Variants in RAD50 observed in about 807,000 individuals in gnomAD.
RAD50 encodes DNA repair protein RAD50.
In RAD50, 132 loss-of-function variants were observed where a neutral mutation model predicts 168.8. The ratio of observed to expected loss-of-function variants is 0.78; its 90% CI spans 0.68 to 0.90. The LOEUF (loss-of-function observed/expected upper bound fraction) is 0.90. RAD50 is among the 40% of genes least tolerant of loss of function. The pLI is 0.00. For missense variants in RAD50, 1,347 were observed against 1,534.4 expected, an observed-to-expected ratio of 0.88 and a Z score of 2.04; for synonymous variants, 525 against 497.4, an observed-to-expected ratio of 1.06 and a Z score of -0.74.
At chr5:132,599,775 G>A (rs1413546175) in intron 13 of RAD50, among the ~76,000 whole-genome samples, 1 of 151,862 alleles carries the variant, frequency 6.6e-6, no homozygotes, top group Non-Finnish European at 1.5e-5. Context: ...TAAGAGTGCA[G>A]TCAGGTTGAC....
At chr5:132,590,061 G>A (rs1750671584) in intron 9 of RAD50, among the ~76,000 whole-genome samples, 1 of 152,118 alleles carries the variant, frequency 6.6e-6, no homozygotes, top group Non-Finnish European at 1.5e-5. Flanking sequence ...TAAAGATACT[G>A]TACTCAGACC....
rs566212893 is a variant in RAD50 at position 132,597,437 on chromosome 5, A to G, written c.2207+1627A>G. On this transcript the variant is annotated intron_variant, in intron 13 of 24. Transcript: ENST00000378823. ...TACTATGGCTTCTTCTGTTCTCGCAATGTGCTTGTACCCTTGTGTGAACTC... is the reference window on the plus strand; with the variant it reads ...TACTATGGCTTCTTCTGTTCTCGCAGTGTGCTTGTACCCTTGTGTGAACTC... Among the ~76,000 whole-genome samples, 267 of 152,252 alleles carry G rather than the reference A, an allele frequency of 1.8e-3. 1 individual carries two copies. Among genetic ancestry groups the G allele is most frequent in the African/African-American group, 6.2e-3 (257 of 41,536 alleles).
Position 132,643,062 on chromosome 5 carries a change from C to T in RAD50, c.*698C>T, listed in dbSNP as rs1751769294. 1 of 529,866 alleles carries T rather than the reference C, an allele frequency of 1.9e-6. No individual in the cohort carries two copies. The highest frequency in any genetic ancestry group is 1.9e-5 in the African/African-American group (1 of 52,760). 32.8% of individuals were successfully genotyped at this position (529,866 alleles called of 1,614,324 possible). The stretch of plus-strand genomic sequence containing the variant: ...AGAGGAAATTCTCCACTGTGCACAC[C>T]CACCTTTGGAAAGCTCTGACCACTT... On this transcript the variant is annotated 3_prime_UTR_variant, in exon 25 of 25. Transcript: ENST00000378823.
chr5:132,577,826 T>A (rs1750425388), intron 3 of RAD50, among the ~76,000 whole-genome samples: 1 of 144,708 alleles, frequency 6.9e-6, no homozygotes, highest in South Asian at 2.2e-4. Flanking sequence ...TTTTTTTTTT[T>A]TTGAGATGGA....
chr5:132,627,266 G>A (rs1751387909), intron 21 of RAD50, among the ~76,000 whole-genome samples: 1 of 151,900 alleles, frequency 6.6e-6, no homozygotes, highest in African/African-American at 2.4e-5. Context: ...TATATATTTT[G>A]TAACTCTTCA....
At chr5:132,597,497 ACTCTGTCTCC>A (rs1182688957) in intron 13 of RAD50, among the ~76,000 whole-genome samples, 1 of 151,338 alleles carries the variant, frequency 6.6e-6, no homozygotes, top group African/African-American at 2.4e-5. Flanking sequence ...TCTCTCACTC[ACTCTGTCTCC>A]CTCTGTCTCT....
intron 22 of RAD50, 129 bp downstream of exon 22, chr5:132,637,329 A>T: frequency 6.8e-7 from 1 of 1,467,236 alleles, no homozygotes; most frequent in Non-Finnish European, 9.2e-7. Context: ...AGATTTTCTA[A>T]GAATTCTTAT....
chr5:132,559,024 G>A (rs1483836856), intron 1 of RAD50, among the ~76,000 whole-genome samples: 1 of 152,144 alleles, frequency 6.6e-6, no homozygotes, highest in Non-Finnish European at 1.5e-5. Context: ...ACTTAAATTA[G>A]TTTAAAGGGT....
chr5:132,589,749 A>T lies in RAD50; in HGVS notation c.1364A>T (p.Asn455Ile). The T allele has an allele frequency of 1.2e-6, 2 of 1,613,770 alleles. No homozygotes were observed. The highest frequency in any genetic ancestry group is 1.7e-6 in the Non-Finnish European group (2 of 1,179,810). ...LKSEILSKKQ[N>I]ELKNVKYELQ... is the part of the protein sequence containing the mutation. Reference sequence around the variant, plus strand: ...TCAGAAATCCTAAGTAAGAAGCAGAATGAGCTGAAAAATGTGAAGTATGAA... The same window carrying T: ...TCAGAAATCCTAAGTAAGAAGCAGATTGAGCTGAAAAATGTGAAGTATGAA... The change falls in exon 9 of 25, where the codon AAT becomes ATT. Residue 455 changes from asparagine to isoleucine, a missense_variant. This residue lies in a region of RAD50 where 703 missense variants were observed against 767.7 expected (regional missense o/e 0.92). Coordinates refer to ENST00000378823, the MANE Select transcript of RAD50 (RefSeq NM_005732.4).
At chr5:132,606,623 G>T (rs902089073) in intron 16 of RAD50, among the ~76,000 whole-genome samples, 1 of 152,088 alleles carries the variant, frequency 6.6e-6, no homozygotes, top group African/African-American at 2.4e-5. Context: ...ATTTTATAAG[G>T]CCAGCATCAT....
rs1060501974 is a variant in RAD50, at chr5:132,591,324, T to A, written c.1553T>A (p.Leu518Gln). Residue 518 changes from leucine (L) to glutamine (Q), a missense_variant, in exon 10 of 25, where the codon CTG becomes CAG. Coordinates refer to ENST00000378823, the MANE Select transcript of RAD50 (RefSeq NM_005732.4). ...QNEKADLDRTLRKLDQEMEQL... is the reference protein window; with the variant it reads ...QNEKADLDRTQRKLDQEMEQL... The stretch of plus-strand genomic sequence containing the variant: ...GAAAAAGCAGACTTAGACAGGACCC[T>A]GCGTAAACTTGACCAGGAGATGGAG... The A allele has an allele frequency of 4.3e-6, 7 of 1,613,736 alleles. No homozygotes were observed. The highest frequency in any genetic ancestry group is 5.9e-6 in the Non-Finnish European group (7 of 1,179,780).
intron 2 of RAD50, among the ~76,000 whole-genome samples, chr5:132,563,049 G>A (rs959422834): frequency 1.3e-5 from 2 of 152,210 alleles, no homozygotes; most frequent in Non-Finnish European, 2.9e-5. Flanking sequence ...CCAGTAATCA[G>A]AGAAAAGATA....
chr5:132,587,417 C>G, intron 5 of RAD50, 145 bp from the exon 6 acceptor site: 1 of 1,254,102 alleles, frequency 8.0e-7, no homozygotes, highest in Non-Finnish European at 1.1e-6. Context: ...TTCAGTTTCT[C>G]TAGGCCTGCT....
intron 21 of RAD50, among the ~76,000 whole-genome samples, chr5:132,629,368 A>G (rs1301529141): frequency 1.3e-5 from 2 of 152,146 alleles, no homozygotes; most frequent in Non-Finnish European, 2.9e-5. Context: ...AGGGCTTTTC[A>G]GCAGAGAAAA....
Position 132,608,776 on chromosome 5 carries a change from G to A in RAD50, c.2829+51G>A, listed in dbSNP as rs1161934030. The A allele has an allele frequency of 3.9e-6, 6 of 1,537,894 alleles. No homozygotes were observed. The South Asian group carries it at 6.2e-5, about 16-fold the overall frequency. On this transcript the variant is annotated intron_variant, in intron 17 of 24. Coordinates refer to ENST00000378823, the MANE Select transcript of RAD50 (RefSeq NM_005732.4). Reference sequence around the variant, plus strand: ...TATCAAATATCTGTATTAAACTTATGTTCATAGCACCACGTCGGACACTTA... The same window carrying A: ...TATCAAATATCTGTATTAAACTTATATTCATAGCACCACGTCGGACACTTA...
chr5:132,604,152 C>G, intron 15 of RAD50, 106 bp downstream of exon 15: 1 of 1,359,900 alleles, frequency 7.4e-7, no homozygotes. Flanking sequence ...AAGTTCCTTC[C>G]TGTCCACATA....
At chr5:132,635,993 T>C (rs1561658264) in intron 21 of RAD50, among the ~76,000 whole-genome samples, 1 of 152,256 alleles carries the variant, frequency 6.6e-6, no homozygotes, top group Non-Finnish European at 1.5e-5. Flanking sequence ...AATGTATTTA[T>C]GTTGAGTCAT....
chr5:132,589,154 G>T (rs1750650641), intron 8 of RAD50, among the ~76,000 whole-genome samples: 1 of 152,134 alleles, frequency 6.6e-6, no homozygotes, highest in Non-Finnish European at 1.5e-5. Context: ...CACAGTTAAT[G>T]ATTATCTCTG....
intron 21 of RAD50, among the ~76,000 whole-genome samples, chr5:132,631,320 A>G (rs538686223): frequency 1.3e-5 from 2 of 152,180 alleles, no homozygotes; most frequent in East Asian, 3.9e-4. Context: ...GAGTTTTACC[A>G]TGTTGGCCAG....
Sources: gnomAD v4.1 joint callset for allele counts (sites outside exome capture counted in the v4.1 genomes callset) on GRCh38, gnomAD v4.1.1 for gene constraint, gnomAD v4.1.1 regional missense constraint, MANE v1.5 for transcripts, NCBI Gene and HGNC (gene_info 2026-07-23, HGNC 2026-07-21) for gene names.